KLHDC4: variants seen among roughly 807,000 people sequenced by gnomAD.
The protein encoded by KLHDC4 is kelch domain-containing protein 4.
In KLHDC4, 90 loss-of-function variants were observed where a neutral mutation model predicts 62.4. The observed-to-expected ratio is 1.44, with a 90% CI of 1.22 to 1.72. The LOEUF is 1.72. Among genes scored for constraint, KLHDC4 ranks in the 40% most tolerant of loss-of-function variants. KLHDC4 has a pLI of 0.00. For synonymous variants in KLHDC4, 386 were observed against 284.4 expected, an observed-to-expected ratio of 1.36 and a Z score of -3.59; for missense variants, 1,025 against 699.7, an observed-to-expected ratio of 1.47 and a Z score of -5.25.
rs1469918510 is a variant in KLHDC4 at position 87,751,426 on chromosome 16, G to A, written c.370-2617C>T. Among the ~76,000 whole-genome samples the A allele has an allele frequency of 2.6e-5, 4 of 151,374 alleles. No homozygotes were observed. In the East Asian group the frequency reaches 5.9e-4, roughly 22 times the overall value. ...GAGGCAGAAGTTGCAGTGAGCTGAG[G>A]TCGCACCACTGCACTCCAGCCCGGG... On this transcript the variant is annotated intron_variant, in intron 4 of 11. Coordinates refer to ENST00000270583, the MANE Select transcript of KLHDC4 (RefSeq NM_017566.4).
chr16:87,729,754 G>A (rs374762967), intron 6 of KLHDC4, among the ~76,000 whole-genome samples: 2 of 152,168 alleles, frequency 1.3e-5, no homozygotes, highest in African/African-American at 4.8e-5. Flanking sequence ...CCGGACAGGA[G>A]TGTTTTGAAG....
rs61735153 is a variant in KLHDC4 at position 87,709,503 on chromosome 16, G to A, written c.1209C>T (p.Thr403=). The change falls in exon 10 of 12, where the codon ACC becomes ACT. Residue 403 remains threonine (T), a synonymous_variant. Coordinates refer to ENST00000270583, the MANE Select transcript of KLHDC4 (RefSeq NM_017566.4). ...GGGGCTGCCCCGCCGAGCCTGGCGC[G>A]GTGAGCACCTGCTTAATGGTGACCA... ...GTVVTIKQVL[T]APGSAGQPRS... The A allele has an allele frequency of 1.4e-3, 2,324 of 1,611,972 alleles. 17 individuals are homozygous for A. The African/African-American group carries it at 0.018, about 13-fold the overall frequency.
rs1178468566 is a variant in KLHDC4, at chr16:87,711,121, A to C, written c.1044+114T>G. 6 of 971,086 alleles carry C rather than the reference A, an allele frequency of 6.2e-6. No individual in the cohort carries two copies. The Admixed American group carries it at 1.2e-4, about 20-fold the overall frequency. The allele number at this position is 971,086 out of a possible 1,614,324, so 60.2% of individuals were successfully genotyped here. A position where few individuals can be genotyped will look rare whatever the true frequency, so the allele number is the denominator to read the frequency against. ...ACGGAACCCTCGCCCCTCTTGAGAG[A>C]GCTCATGGGCTTTGGGGGCCCCAAT... On this transcript the variant is annotated intron_variant, in intron 9 of 11. Coordinates refer to ENST00000270583, the MANE Select transcript of KLHDC4 (RefSeq NM_017566.4).
At chr16:87,757,949 G>C (rs1294036707) in intron 2 of KLHDC4, among the ~76,000 whole-genome samples, 1 of 152,092 alleles carries the variant, frequency 6.6e-6, no homozygotes, top group Non-Finnish European at 1.5e-5. Flanking sequence ...AGTAATGAAA[G>C]ACACAGTGAC....
chr16:87,701,863 G>A (rs1321772298), exon 1 of KLHDC4: 1 of 456,602 alleles, frequency 2.2e-6, no homozygotes, highest in Non-Finnish European at 4.4e-6. Context: ...CCACACCGAG[G>A]AAGCCTCTTC....
intron 5 of KLHDC4, among the ~76,000 whole-genome samples, chr16:87,744,046 A>C (rs547092176): frequency 6.6e-6 from 1 of 152,244 alleles, no homozygotes; most frequent in East Asian, 1.9e-4. Context: ...TGGGAGGCCG[A>C]GGGGGGCAGA....
In KLHDC4 at chr16:87,756,551, G is replaced by C. The variant is rs982195634; in HGVS notation, c.192-74C>G. Reference sequence around the variant, plus strand: ...CCTGAGCGCTGTCCCCTTCCTCACAGAATCCTCTGTCACCACAAACTGGCT... The same window carrying C: ...CCTGAGCGCTGTCCCCTTCCTCACACAATCCTCTGTCACCACAAACTGGCT... On this transcript the variant is annotated intron_variant, in intron 2 of 11. Transcript: ENST00000270583. 5 of 1,073,578 alleles carry C rather than the reference G, an allele frequency of 4.7e-6. No homozygotes were observed. The South Asian group carries it at 6.4e-5, about 14-fold the overall frequency. 66.5% of individuals were successfully genotyped at this position (1,073,578 alleles called of 1,614,324 possible).
At chr16:87,754,811 T>A (rs924125871) in intron 4 of KLHDC4, among the ~76,000 whole-genome samples, 1 of 152,184 alleles carries the variant, frequency 6.6e-6, no homozygotes, top group African/African-American at 2.4e-5. Context: ...TACCACTCGT[T>A]TCCGCTAATA....
At chr16:87,725,541 G>A (rs1429760541) in intron 7 of KLHDC4, among the ~76,000 whole-genome samples, 2 of 152,236 alleles carry the variant, frequency 1.3e-5, no homozygotes, top group Non-Finnish European at 2.9e-5. Context: ...TCAAAAGTTA[G>A]CTGTGGTTGA....
At chr16:87,751,955 G>C (rs1013503080) in intron 4 of KLHDC4, among the ~76,000 whole-genome samples, 4 of 150,952 alleles carry the variant, frequency 2.6e-5, no homozygotes, top group African/African-American at 9.7e-5. Context: ...GGTGCCTGTA[G>C]TCCCAGCTAC....
At chr16:87,760,071 A>C (rs907225154) in intron 2 of KLHDC4, among the ~76,000 whole-genome samples, 4 of 152,100 alleles carry the variant, frequency 2.6e-5, no homozygotes, top group Non-Finnish European at 5.9e-5. Flanking sequence ...GTTGGAAGAT[A>C]TTAAGGTTAC....
At chr16:87,726,951 G>A in intron 6 of KLHDC4, 27 bp from the exon 7 acceptor site, 2 of 1,611,376 alleles carry the variant, frequency 1.2e-6, no homozygotes, top group Non-Finnish European at 1.7e-6. Flanking sequence ...CAGCTGTCAG[G>A]GTCCGTAACA....
rs138492240 is a variant in KLHDC4 at position 87,716,618 on chromosome 16, G to C, written c.760-2045C>G. On this transcript the variant is annotated intron_variant, in intron 7 of 11. Transcript: ENST00000270583. ...CAAGGGAGCCCTGGTTCCCTTTGTT[G>C]GAGAATAGTGTTAGAAACCAAGAAA... is the stretch of plus-strand genomic sequence containing the variant. 3.4e-3 allele frequency among the ~76,000 whole-genome samples: 518 copies of C among 152,242 alleles called. 2 individuals are homozygous for C. Among genetic ancestry groups the C allele is most frequent in the Non-Finnish European group, 5.7e-3 (385 of 68,028 alleles).
At chr16:87,704,390 G>C (rs1168570945), downstream of KLHDC4, among the ~76,000 whole-genome samples, 16 of 125,906 alleles carry the variant, frequency 1.3e-4, no homozygotes, top group South Asian at 6.0e-4. Context: ...TCCTGAACAT[G>C]ACAGGGAAGG....
intron 5 of KLHDC4, among the ~76,000 whole-genome samples, chr16:87,748,352 C>G (rs1173310688): frequency 6.6e-6 from 1 of 152,158 alleles, no homozygotes; most frequent in Non-Finnish European, 1.5e-5. Flanking sequence ...AAGCTGGGCA[C>G]CCAGAGCTGC....
intron 7 of KLHDC4, among the ~76,000 whole-genome samples, chr16:87,717,571 G>A (rs922908839): frequency 1.3e-5 from 2 of 152,184 alleles, no homozygotes; most frequent in Non-Finnish European, 2.9e-5. Context: ...GGAAACATCT[G>A]TGCAATTCCA....
chr16:87,715,898 G>A (rs557046235), intron 7 of KLHDC4, among the ~76,000 whole-genome samples: 8 of 152,222 alleles, frequency 5.3e-5, no homozygotes, highest in Non-Finnish European at 1.0e-4. Flanking sequence ...GTGCCTCATG[G>A]ATACTGACAC....
intron 5 of KLHDC4, among the ~76,000 whole-genome samples, chr16:87,735,128 T>G (rs1457652417): frequency 2.7e-5 from 4 of 149,974 alleles, no homozygotes; most frequent in African/African-American, 9.9e-5. Flanking sequence ...TGAAACCCCG[T>G]CTCTACTAAA....
At chr16:87,707,771 C>T (rs1159111709), downstream of KLHDC4, 5 of 334,200 alleles carry the variant, frequency 1.5e-5, no homozygotes, top group Non-Finnish European at 2.4e-5. Context: ...GGGAAGACTG[C>T]GGTGTGCCTA....
Sources: gnomAD v4.1 joint callset for allele counts (sites outside exome capture counted in the v4.1 genomes callset) on GRCh38, gnomAD v4.1.1 for gene constraint, MANE v1.5 for transcripts, NCBI Gene and HGNC (gene_info 2026-07-23, HGNC 2026-07-21) for gene names.